Variants in CNTNAP4 observed in about 807,000 individuals in gnomAD.
CNTNAP4 encodes the protein contactin associated protein family member 4.
CNTNAP4 carries 98 observed loss-of-function variants against 148.4 expected under a neutral mutation model. That is an observed-to-expected ratio of 0.66 (90% CI 0.56 to 0.78). CNTNAP4 has a LOEUF of 0.78. Ranked by LOEUF, CNTNAP4 falls within the 30% of genes least tolerant of loss-of-function variation. The probability of loss-of-function intolerance (pLI) is 0.00; values close to 1 mark genes in which losing one functional copy is unlikely to be tolerated. For missense variants in CNTNAP4, 1,935 were observed against 1,565.6 expected, an observed-to-expected ratio of 1.24 and a Z score of -3.98; for synonymous variants, 730 against 565.1, an observed-to-expected ratio of 1.29 and a Z score of -4.14.
chr16:76,448,969 C>G lies in CNTNAP4; in HGVS notation c.927+18C>G. The G allele has an allele frequency of 6.2e-7, 1 of 1,603,286 alleles. No individual in the cohort carries two copies. The highest frequency in any genetic ancestry group is 2.2e-5 in the East Asian group (1 of 44,714). On this transcript the variant is annotated intron_variant, in intron 6 of 23. Coordinates refer to ENST00000611870, the MANE Select transcript of CNTNAP4 (RefSeq NM_033401.5). Reference sequence around the variant, plus strand: ...ATTATGAGGTGTGATGGTTATGTTTCAATTAATGCTGATTTTATTATGTAT... The same window carrying G: ...ATTATGAGGTGTGATGGTTATGTTTGAATTAATGCTGATTTTATTATGTAT...
At chr16:76,518,872 G>A (rs2083352134) in intron 15 of CNTNAP4, among the ~76,000 whole-genome samples, 1 of 151,860 alleles carries the variant, frequency 6.6e-6, no homozygotes, top group Non-Finnish European at 1.5e-5. Flanking sequence ...CCTGCCTCTG[G>A]TTACTATCAT....
chr16:76,554,517 T>C (rs2085108565), intron 23 of CNTNAP4, among the ~76,000 whole-genome samples: 1 of 152,062 alleles, frequency 6.6e-6, no homozygotes, highest in South Asian at 2.1e-4. Flanking sequence ...TTAAAGTATG[T>C]CTCCCTGGAA....
chr16:76,360,306 T>C (rs916248212), intron 3 of CNTNAP4, among the ~76,000 whole-genome samples: 4 of 152,170 alleles, frequency 2.6e-5, no homozygotes, highest in African/African-American at 9.7e-5. Context: ...GATTGAGGTG[T>C]CAACTCTGTA....
intron 1 of CNTNAP4, among the ~76,000 whole-genome samples, chr16:76,284,831 G>A (rs1453574475): frequency 1.3e-5 from 2 of 151,938 alleles, no homozygotes; most frequent in African/African-American, 4.8e-5. Flanking sequence ...ATGATTTTTA[G>A]GCTCTCCAAA....
intron 10 of CNTNAP4, among the ~76,000 whole-genome samples, chr16:76,473,130 T>G (rs1270871643): frequency 1.3e-5 from 2 of 152,192 alleles, no homozygotes; most frequent in Non-Finnish European, 2.9e-5. Flanking sequence ...TGCTTAAAAT[T>G]AAATAAATCC....
chr16:76,345,989 C>G lies in CNTNAP4; in HGVS notation c.197-9329C>G, dbSNP rs568396972. Among the ~76,000 whole-genome samples the G allele has an allele frequency of 5.3e-5, 8 of 152,246 alleles. No individual in the cohort carries two copies. The South Asian group carries it at 1.7e-3, about 32-fold the overall frequency. On this transcript the variant is annotated intron_variant, in intron 2 of 23. Coordinates refer to ENST00000611870, the MANE Select transcript of CNTNAP4 (RefSeq NM_033401.5). ...TTGTCTACAAGCCAGGGAACAAGCCCTTACCAGGAACTGAATCTGCCAGCC... is the reference window on the plus strand; with the variant it reads ...TTGTCTACAAGCCAGGGAACAAGCCGTTACCAGGAACTGAATCTGCCAGCC...
Position 76,449,273 on chromosome 16 carries a change from T to A in CNTNAP4, c.927+322T>A, listed in dbSNP as rs2080366493. ...ACAAGCAAATATAGGATGTTTGCTA[T>A]GACTTCTTTGTGTTCTAGGGTATTT... is the stretch of plus-strand genomic sequence containing the variant. On this transcript the variant is annotated intron_variant, in intron 6 of 23. Transcript: ENST00000611870. Among the ~76,000 whole-genome samples, 3 of 152,258 alleles carry A rather than the reference T, an allele frequency of 2.0e-5. No homozygotes were observed. The South Asian group carries it at 6.2e-4, about 31-fold the overall frequency.
intron 10 of CNTNAP4, among the ~76,000 whole-genome samples, chr16:76,475,272 C>T (rs1444288854): frequency 6.6e-6 from 1 of 152,158 alleles, no homozygotes; most frequent in African/African-American, 2.4e-5. Context: ...TAAAACTCTG[C>T]TCCCCAAAGA....
intron 3 of CNTNAP4, among the ~76,000 whole-genome samples, chr16:76,404,276 A>T (rs1332755151): frequency 1.3e-5 from 2 of 152,168 alleles, no homozygotes; most frequent in Non-Finnish European, 2.9e-5. Flanking sequence ...AAGTCAAAAA[A>T]ATTAAAAAAT....
chr16:76,473,280 T>C (rs2081437108), intron 10 of CNTNAP4, among the ~76,000 whole-genome samples: 1 of 152,302 alleles, frequency 6.6e-6, no homozygotes, highest in East Asian at 1.9e-4. Flanking sequence ...TATGATTATA[T>C]TTATGGATAT....
chr16:76,410,254 C>G (rs908678557), intron 3 of CNTNAP4, among the ~76,000 whole-genome samples: 4 of 151,614 alleles, frequency 2.6e-5, no homozygotes. Flanking sequence ...AAAATGTTGT[C>G]TACAAAGATT....
chr16:76,389,354 A>G (rs2016765711), intron 3 of CNTNAP4, among the ~76,000 whole-genome samples: 1 of 152,162 alleles, frequency 6.6e-6, no homozygotes, highest in South Asian at 2.1e-4. Context: ...AATCAATGTC[A>G]TGGAATTCTT....
chr16:76,301,071 G>T (rs1734835849), intron 1 of CNTNAP4, among the ~76,000 whole-genome samples: 1 of 151,858 alleles, frequency 6.6e-6, no homozygotes, highest in Non-Finnish European at 1.5e-5. Context: ...TTACAGACAT[G>T]AAAACAAAGA....
chr16:76,286,797 A>G (rs1567581510), intron 1 of CNTNAP4, among the ~76,000 whole-genome samples: 1 of 152,206 alleles, frequency 6.6e-6, no homozygotes, highest in Non-Finnish European at 1.5e-5. Context: ...AAGCTGCAAG[A>G]ATGCTTAGTG....
intron 3 of CNTNAP4, among the ~76,000 whole-genome samples, chr16:76,381,564 C>T (rs1438059556): frequency 1.3e-5 from 2 of 152,076 alleles, no homozygotes; most frequent in Non-Finnish European, 2.9e-5. Context: ...TCTAGATAAC[C>T]CTTCAAGGGT....
chr16:76,304,430 G>T (rs1184840538), intron 1 of CNTNAP4, among the ~76,000 whole-genome samples: 4 of 152,056 alleles, frequency 2.6e-5, no homozygotes, highest in African/African-American at 9.7e-5. Flanking sequence ...AGAATTTCCC[G>T]GTAGGATGGG....
At chr16:76,303,258 C>G (rs1960165970) in intron 1 of CNTNAP4, among the ~76,000 whole-genome samples, 1 of 152,112 alleles carries the variant, frequency 6.6e-6, no homozygotes, top group Non-Finnish European at 1.5e-5. Context: ...ATGCACTCCC[C>G]TATTAAAACC....
At chr16:76,326,484 A>C (rs2144197988) in intron 2 of CNTNAP4, among the ~76,000 whole-genome samples, 1 of 152,336 alleles carries the variant, frequency 6.6e-6, no homozygotes, top group Non-Finnish European at 1.5e-5. Flanking sequence ...TGCTGCTATA[A>C]AGACACATGC....
At chr16:76,299,689 C>T (rs9934441) in intron 1 of CNTNAP4, among the ~76,000 whole-genome samples, 2,958 of 152,126 alleles carry the variant, frequency 0.019, 99 homozygotes, top group African/African-American at 0.066. Flanking sequence ...TAAAGACACA[C>T]GCACAGGTAT....
Sources: allele counts gnomAD v4.1 joint callset (sites outside exome capture counted in the v4.1 genomes callset), GRCh38; gene constraint gnomAD v4.1.1; transcripts MANE v1.5; gene names NCBI Gene and HGNC (gene_info 2026-07-23, HGNC 2026-07-21).